The following CERS6 variants were observed in gnomAD, a reference collection of about 807,000 sequenced individuals.
CERS6 encodes the protein LAG1 homolog, ceramide synthase 6.
CERS6 carries 26 observed loss-of-function variants against 56.8 expected under a neutral mutation model. The ratio of observed to expected loss-of-function variants is 0.46; its 90% CI spans 0.34 to 0.63. The LOEUF (loss-of-function observed/expected upper bound fraction) is 0.63, where lower values mean the gene tolerates loss of function less well. Among genes scored for constraint, CERS6 ranks in the 30% least tolerant of loss-of-function variants. The pLI is 0.01. For missense variants in CERS6, 415 were observed against 467.5 expected (o/e 0.89, Z 1.04); for synonymous variants, 164 against 173.3 (o/e 0.95, Z 0.42).
chr2:168,756,189 C>G (rs140764557), intron 8 of CERS6, among the ~76,000 whole-genome samples: 27 of 152,162 alleles, frequency 1.8e-4, no homozygotes, highest in South Asian at 8.3e-4. Context: ...GTTTTATACT[C>G]TTTTAGAAAA....
intron 2 of CERS6, among the ~76,000 whole-genome samples, chr2:168,557,545 T>G (rs1044585585): frequency 1.3e-5 from 2 of 152,322 alleles, no homozygotes; most frequent in African/African-American, 2.4e-5. Context: ...ATTTGGATTT[T>G]TGATGGAAAA....
At chr2:168,619,489 GAACTC>G (rs899669631) in intron 3 of CERS6, among the ~76,000 whole-genome samples, 138 of 151,798 alleles carry the variant, frequency 9.1e-4, no homozygotes, top group African/African-American at 3.2e-3. Flanking sequence ...AATCTAAAAA[GAACTC>G]AAACAAATCA....
At chr2:168,724,927 A>C (rs1202622147) in intron 8 of CERS6, among the ~76,000 whole-genome samples, 2 of 152,150 alleles carry the variant, frequency 1.3e-5, no homozygotes, top group African/African-American at 4.8e-5. Flanking sequence ...GGTCGATGGG[A>C]CTGGGCGCCG....
At chr2:168,598,585 G>A (rs1683858568) in intron 3 of CERS6, among the ~76,000 whole-genome samples, 1 of 151,828 alleles carries the variant, frequency 6.6e-6, no homozygotes, top group Admixed American at 6.6e-5. Context: ...TTAATATGTG[G>A]CAATCCAAGA....
chr2:168,574,626 C>T (rs529237132), intron 3 of CERS6, among the ~76,000 whole-genome samples: 5 of 152,218 alleles, frequency 3.3e-5, no homozygotes, highest in African/African-American at 9.6e-5. Context: ...TAAAATGATT[C>T]GTGTAAAGCA....
intron 3 of CERS6, among the ~76,000 whole-genome samples, chr2:168,605,138 C>T (rs1387065461): frequency 6.6e-6 from 1 of 152,152 alleles, no homozygotes; most frequent in African/African-American, 2.4e-5. Flanking sequence ...ACAAAGATGG[C>T]CAAACTGATG....
At chr2:168,572,301 T>G (rs1696003469) in intron 3 of CERS6, among the ~76,000 whole-genome samples, 2 of 152,164 alleles carry the variant, frequency 1.3e-5, no homozygotes, top group Non-Finnish European at 2.9e-5. Flanking sequence ...AAGAAGTATT[T>G]ATTGAGGTAT....
rs1376836903 is a variant in CERS6, at chr2:168,631,712, TATA to T, written c.465+671_465+673del. On this transcript the variant is annotated intron_variant, in intron 4 of 9. Transcript: ENST00000305747. ...ATATATATTTAATTTATATTTATAT[TATA>T]TTTATATTTATATTATATATAACAT... is the stretch of plus-strand genomic sequence containing the variant. 8.7e-3 allele frequency among the ~76,000 whole-genome samples: 1,034 copies of T among 118,660 alleles called. 5 individuals carry two copies. The highest frequency in any genetic ancestry group is 0.014 in the Non-Finnish European group (885 of 61,912). The allele number at this position is 118,660 out of a possible 152,430, so 77.8% of individuals were successfully genotyped here.
chr2:168,506,223 G>A (rs1273131410), intron 1 of CERS6, among the ~76,000 whole-genome samples: 1 of 152,166 alleles, frequency 6.6e-6, no homozygotes, highest in Non-Finnish European at 1.5e-5. Flanking sequence ...TTAAATCCTT[G>A]ATGCCTGAAT....
At chr2:168,700,586 G>A (rs1470555981) in intron 6 of CERS6, among the ~76,000 whole-genome samples, 14 of 152,268 alleles carry the variant, frequency 9.2e-5, no homozygotes, top group Admixed American at 8.5e-4. Flanking sequence ...CCTTATTTTT[G>A]TCATTTTGTC....
At chr2:168,675,303 GGCC>G in intron 4 of CERS6, among the ~76,000 whole-genome samples, 1 of 151,936 alleles carries the variant, frequency 6.6e-6, no homozygotes, top group African/African-American at 2.4e-5. Context: ...AACAACAATA[GGCC>G]GGGCATAGTG....
At chr2:168,563,653 C>T (rs1403555714) in intron 3 of CERS6, among the ~76,000 whole-genome samples, 2 of 152,026 alleles carry the variant, frequency 1.3e-5, no homozygotes, top group Non-Finnish European at 2.9e-5. Context: ...AAAAATTAGC[C>T]AGATGTGGTG....
intron 3 of CERS6, among the ~76,000 whole-genome samples, chr2:168,570,867 T>C (rs1428532497): frequency 6.6e-6 from 1 of 152,202 alleles, no homozygotes; most frequent in African/African-American, 2.4e-5. Context: ...TGTGCATCTC[T>C]CAGTGCTTGG....
At chr2:168,620,380 C>G (rs997423396) in intron 3 of CERS6, among the ~76,000 whole-genome samples, 1 of 151,988 alleles carries the variant, frequency 6.6e-6, no homozygotes, top group Non-Finnish European at 1.5e-5. Flanking sequence ...AAAGAACTTA[C>G]TCATGTAACC....
At chr2:168,471,977 T>C (rs1693986155) in intron 1 of CERS6, among the ~76,000 whole-genome samples, 1 of 152,076 alleles carries the variant, frequency 6.6e-6, no homozygotes, top group South Asian at 2.1e-4. Context: ...GAGGGAGAGA[T>C]GTAGATGAGA....
chr2:168,549,124 A>G (rs1040586741), intron 2 of CERS6, among the ~76,000 whole-genome samples: 1 of 151,992 alleles, frequency 6.6e-6, no homozygotes, highest in African/African-American at 2.4e-5. Flanking sequence ...TTTGTGAACT[A>G]CTCTAAGTAC....
At chr2:168,550,819 T>C (rs1476547579) in intron 2 of CERS6, among the ~76,000 whole-genome samples, 2 of 152,186 alleles carry the variant, frequency 1.3e-5, no homozygotes, top group African/African-American at 4.8e-5. Context: ...CTGGGGTAGC[T>C]GCCTCCATCC....
At chr2:168,666,970 A>G (rs758709894) in intron 4 of CERS6, among the ~76,000 whole-genome samples, 2 of 152,228 alleles carry the variant, frequency 1.3e-5, no homozygotes, top group Non-Finnish European at 2.9e-5. Context: ...CATGCCAGTT[A>G]AGAGGTAATC....
At chr2:168,613,628 A>G (rs145289681) in intron 3 of CERS6, among the ~76,000 whole-genome samples, 4 of 152,336 alleles carry the variant, frequency 2.6e-5, no homozygotes, top group African/African-American at 7.2e-5. Context: ...AAACTTGCCC[A>G]GGATCACCCT....
Sources: gnomAD v4.1 joint callset for allele counts (sites outside exome capture counted in the v4.1 genomes callset) on GRCh38, gnomAD v4.1.1 for gene constraint, MANE v1.5 for transcripts, NCBI Gene and HGNC (gene_info 2026-07-23, HGNC 2026-07-21) for gene names.